Variants in MAF observed in about 807,000 individuals in gnomAD.
The protein encoded by MAF is MAF bZIP transcription factor, also known as transcription factor Maf.
In MAF, 10 loss-of-function variants were observed where a neutral mutation model predicts 22.0. The observed-to-expected ratio is 0.45, with a 90% CI of 0.28 to 0.77. MAF has a LOEUF of 0.77. Ranked by LOEUF, MAF falls within the 30% of genes least tolerant of loss-of-function variation. MAF has a pLI of 0.12. For synonymous variants in MAF, 337 were observed against 255.8 expected (o/e 1.32, Z -3.03); for missense variants, 544 against 548.4 (o/e 0.99, Z 0.08).
chr16:79,486,477 A>G, the MAF span, among the ~76,000 whole-genome samples: 4 of 152,172 alleles, frequency 2.6e-5, no homozygotes, highest in African/African-American at 9.7e-5. Flanking sequence ...ACAATATTTT[A>G]CCCAAAGACT....
At chr16:79,584,737 A>G (rs1010203138), downstream of MAF, among the ~76,000 whole-genome samples, 5 of 152,236 alleles carry the variant, frequency 3.3e-5, no homozygotes. Context: ...AAATGTATAC[A>G]CTGAGTTTAA....
the MAF span, among the ~76,000 whole-genome samples, chr16:79,380,866 G>C: frequency 6.6e-6 from 1 of 152,202 alleles, no homozygotes; most frequent in African/African-American, 2.4e-5. Flanking sequence ...GACCTCTTTG[G>C]GGGCACATTG....
chr16:79,304,919 C>T, the MAF span, among the ~76,000 whole-genome samples: 121 of 152,186 alleles, frequency 8.0e-4, no homozygotes, highest in African/African-American at 2.6e-3. Flanking sequence ...TTATACTTGG[C>T]GCCTTAATAA....
chr16:79,217,132 G>C, the MAF span, among the ~76,000 whole-genome samples: 3 of 152,186 alleles, frequency 2.0e-5, no homozygotes, highest in African/African-American at 7.2e-5. Context: ...TCTAATTTCA[G>C]ATGCTATTTA....
At chr16:79,411,814 T>C in the MAF span, among the ~76,000 whole-genome samples, 12,564 of 152,328 alleles carry the variant, frequency 0.082, 722 homozygotes, top group Middle Eastern at 0.2. Context: ...TCCAGATCTC[T>C]ACTCTGATCT....
the MAF span, among the ~76,000 whole-genome samples, chr16:79,219,470 G>A: frequency 6.7e-6 from 1 of 149,114 alleles, no homozygotes; most frequent in South Asian, 2.2e-4. Context: ...AGAATGGCGT[G>A]AACCCGGGGG....
chr16:79,335,360 G>C, the MAF span, among the ~76,000 whole-genome samples: 746 of 152,248 alleles, frequency 4.9e-3, 8 homozygotes, highest in African/African-American at 0.017. Flanking sequence ...TGGCCGACCA[G>C]CCTGCAGAGA....
the MAF span, among the ~76,000 whole-genome samples, chr16:79,313,718 C>T: frequency 6.6e-6 from 1 of 152,132 alleles, no homozygotes. Flanking sequence ...AAGCCCCAGT[C>T]TCAGGAGGCT....
chr16:79,367,658 G>T, the MAF span, among the ~76,000 whole-genome samples: 90,936 of 152,076 alleles, frequency 0.6, 28,984 homozygotes, highest in African/African-American at 0.82. Flanking sequence ...ACTGAGCACT[G>T]GAAAGGTAGT....
At chr16:79,267,203 T>A in the MAF span, among the ~76,000 whole-genome samples, 1 of 152,196 alleles carries the variant, frequency 6.6e-6, no homozygotes, top group Non-Finnish European at 1.5e-5. Flanking sequence ...GTTCTGTCCA[T>A]GAAGATTCAC....
At chr16:79,495,814 A>G in the MAF span, among the ~76,000 whole-genome samples, 1 of 152,138 alleles carries the variant, frequency 6.6e-6, no homozygotes, top group African/African-American at 2.4e-5. Flanking sequence ...CGTTCAACAA[A>G]TATTTGAGCA....
the MAF span, among the ~76,000 whole-genome samples, chr16:79,426,131 G>A: frequency 6.6e-6 from 1 of 152,058 alleles, no homozygotes; most frequent in Admixed American, 6.5e-5. Flanking sequence ...ACTTGAATCT[G>A]GAAGGTGGAG....
chr16:79,289,867 T>TTTTTGTTTTTC, the MAF span, among the ~76,000 whole-genome samples: 1 of 118,510 alleles, frequency 8.4e-6, no homozygotes, highest in Admixed American at 9.6e-5. Context: ...TTTTTTTTTT[T>TTTTTGTTTTTC]TGTGAGACGG....
At chr16:79,425,400 T>C in the MAF span, among the ~76,000 whole-genome samples, 4 of 152,160 alleles carry the variant, frequency 2.6e-5, no homozygotes, top group South Asian at 2.1e-4. Flanking sequence ...CATGAAAACA[T>C]CCGCAGAGAT....
At chr16:79,597,752 GA>G (rs67402322) in intron 1 of MAF, 227,126 of 1,008,930 alleles carry the variant, frequency 0.23, 25,963 homozygotes, top group East Asian at 0.4. Context: ...AAGCCAAAAG[GA>G]AAAAAAAAGG....
the MAF span, among the ~76,000 whole-genome samples, chr16:79,208,637 T>TTTG: frequency 6.6e-6 from 1 of 151,710 alleles, no homozygotes; most frequent in Admixed American, 6.6e-5. Flanking sequence ...TTAAATTTTT[T>TTTG]TTTTAATCAG....
the MAF span, among the ~76,000 whole-genome samples, chr16:79,446,220 C>T: frequency 6.6e-6 from 1 of 152,178 alleles, no homozygotes; most frequent in Non-Finnish European, 1.5e-5. Flanking sequence ...GGGAGAGGCA[C>T]TGGGTATGGT....
the MAF span, among the ~76,000 whole-genome samples, chr16:79,391,198 G>A: frequency 5.9e-5 from 9 of 152,176 alleles, no homozygotes; most frequent in Non-Finnish European, 8.8e-5. Flanking sequence ...TGGGCAAATT[G>A]TTCAACCTCT....
At chr16:79,285,643 G>A in the MAF span, among the ~76,000 whole-genome samples, 57 of 152,218 alleles carry the variant, frequency 3.7e-4, 1 homozygote, top group Middle Eastern at 3.4e-3. Flanking sequence ...CTCCAGGGGT[G>A]GGGAATCCAT....
Sources: gnomAD v4.1 joint callset for allele counts (sites outside exome capture counted in the v4.1 genomes callset) on GRCh38, gnomAD v4.1.1 for gene constraint, MANE v1.5 for transcripts, NCBI Gene and HGNC (gene_info 2026-07-23, HGNC 2026-07-21) for gene names.